Variants in VRK2 observed in about 807,000 individuals in gnomAD.
VRK2 encodes serine/threonine-protein kinase VRK2.
VRK2 carries 60 observed loss-of-function variants against 57.6 expected under a neutral mutation model. That is an observed-to-expected ratio of 1.04 (90% CI 0.85 to 1.29). The LOEUF (loss-of-function observed/expected upper bound fraction) is 1.29, where lower values mean the gene tolerates loss of function less well. VRK2 is among the 50% of genes most tolerant of loss of function. The probability of loss-of-function intolerance (pLI) is 0.00; values close to 1 mark genes in which losing one functional copy is unlikely to be tolerated. For synonymous variants in VRK2, 231 were observed against 199.2 expected, an observed-to-expected ratio of 1.16 and a Z score of -1.35; for missense variants, 705 against 588.1, an observed-to-expected ratio of 1.20 and a Z score of -2.06.
At chr2:58,053,193 G>GGC (rs1440949944) in intron 2 of VRK2, among the ~76,000 whole-genome samples, 2 of 152,156 alleles carry the variant, frequency 1.3e-5, no homozygotes, top group African/African-American at 2.4e-5. Flanking sequence ...GTTGAGACAA[G>GGC]GCACCTATCA....
intron 1 of VRK2, among the ~76,000 whole-genome samples, chr2:57,936,518 G>GTTTTTTTTTTT (rs200492675): frequency 1.5e-5 from 2 of 134,978 alleles, no homozygotes; most frequent in African/African-American, 5.8e-5. Flanking sequence ...GTTTTGTTTT[G>GTTTTTTTTTTT]TTTTGTTTTT....
chr2:58,112,108 A>G (rs1675659517), intron 7 of VRK2, among the ~76,000 whole-genome samples: 1 of 152,176 alleles, frequency 6.6e-6, no homozygotes, highest in Admixed American at 6.5e-5. Context: ...CCTTAATTCT[A>G]TATTGTATTT....
chr2:57,955,837 T>C (rs1671570396), intron 1 of VRK2, among the ~76,000 whole-genome samples: 1 of 152,144 alleles, frequency 6.6e-6, no homozygotes, highest in Non-Finnish European at 1.5e-5. Context: ...GATCATAATT[T>C]AGCAAAAAGT....
intron 11 of VRK2, among the ~76,000 whole-genome samples, chr2:58,140,045 C>T (rs1438309337): frequency 6.6e-6 from 1 of 151,984 alleles, no homozygotes; most frequent in African/African-American, 2.4e-5. Flanking sequence ...CTACTATGTA[C>T]TATGAAAGAA....
intron 2 of VRK2, among the ~76,000 whole-genome samples, chr2:58,075,877 A>G (rs962558420): frequency 5.4e-5 from 7 of 129,752 alleles, no homozygotes; most frequent in South Asian, 2.7e-4. Context: ...CTCTGCCCCA[A>G]TAAGATGTGA....
At chr2:58,122,997 G>C in intron 7 of VRK2, 104 bp from the exon 8 acceptor site, 1 of 1,402,204 alleles carries the variant, frequency 7.1e-7, no homozygotes, top group Non-Finnish European at 9.4e-7. Flanking sequence ...ATAAAATGTA[G>C]ATCTGAGGCT....
chr2:58,043,109 T>C (rs998857155), upstream of VRK2, among the ~76,000 whole-genome samples: 1 of 152,204 alleles, frequency 6.6e-6, no homozygotes, highest in Admixed American at 6.5e-5. Flanking sequence ...TTGGCACTTA[T>C]GAAACTTGAA....
intron 1 of VRK2, chr2:58,047,152 C>G (rs996844271): frequency 6.3e-6 from 2 of 316,570 alleles, no homozygotes; most frequent in East Asian, 1.7e-4. Flanking sequence ...CTCTTTTTGC[C>G]GGTGCAGAGA....
intron 1 of VRK2, among the ~76,000 whole-genome samples, chr2:57,963,039 T>A (rs1021422428): frequency 1.3e-5 from 2 of 152,188 alleles, no homozygotes; most frequent in African/African-American, 4.8e-5. Flanking sequence ...TGCTAAACCT[T>A]ACTTCCTCTT....
intron 12 of VRK2, among the ~76,000 whole-genome samples, chr2:58,157,612 T>C (rs1356482937): frequency 6.6e-6 from 1 of 152,182 alleles, no homozygotes; most frequent in Non-Finnish European, 1.5e-5. Context: ...ATTGGCATCA[T>C]CTGGAGCTTC....
intron 7 of VRK2, among the ~76,000 whole-genome samples, chr2:58,114,898 T>C (rs1019053549): frequency 2.0e-5 from 3 of 152,172 alleles, no homozygotes; most frequent in African/African-American, 4.8e-5. Flanking sequence ...AGAGCTATTT[T>C]AGTTTCCTGA....
At position 58,117,710 on chromosome 2, in the gene VRK2, C is replaced by T. The variant is rs114166545; in HGVS notation, c.544-5391C>T. 5.1e-3 allele frequency among the ~76,000 whole-genome samples: 782 copies of T among 152,146 alleles called. 8 individuals carry two copies. Among genetic ancestry groups the T allele is most frequent in the African/African-American group, 0.015 (604 of 41,524 alleles). Reference sequence around the variant, plus strand: ...TGGAAAAATTGAAAGTGCCATTTTCCGGTGTTTGGAACTACTGTCAAGTTT... The same window carrying T: ...TGGAAAAATTGAAAGTGCCATTTTCTGGTGTTTGGAACTACTGTCAAGTTT... On this transcript the variant is annotated intron_variant, in intron 7 of 12. Transcript: ENST00000340157.
At chr2:58,158,762 A>ATTTGT (rs1191193028) in intron 12 of VRK2, among the ~76,000 whole-genome samples, 1 of 152,104 alleles carries the variant, frequency 6.6e-6, no homozygotes, top group Non-Finnish European at 1.5e-5. Flanking sequence ...TAACCAGTTA[A>ATTTGT]TTTGTTTTAT....
At chr2:57,930,286 C>G (rs939709718) in intron 1 of VRK2, among the ~76,000 whole-genome samples, 2 of 152,154 alleles carry the variant, frequency 1.3e-5, no homozygotes, top group Admixed American at 1.3e-4. Flanking sequence ...TGTCTAAATG[C>G]TCCTCTGTGT....
intron 1 of VRK2, among the ~76,000 whole-genome samples, chr2:58,023,230 G>A (rs373559412): frequency 6.6e-6 from 1 of 152,112 alleles, no homozygotes; most frequent in Non-Finnish European, 1.5e-5. Flanking sequence ...GAATCATACC[G>A]TATCTGTCCT....
intron 1 of VRK2, among the ~76,000 whole-genome samples, chr2:57,931,624 T>C (rs1394155133): frequency 1.3e-5 from 2 of 152,184 alleles, no homozygotes; most frequent in Non-Finnish European, 2.9e-5. Context: ...TAGTTCGATA[T>C]AGTCCCACTT....
intron 1 of VRK2, among the ~76,000 whole-genome samples, chr2:57,925,800 T>C (rs540744741): frequency 4.0e-5 from 6 of 151,894 alleles, no homozygotes; most frequent in Admixed American, 2.6e-4. Context: ...GATTTTCTAG[T>C]TTTTTAAGAT....
chr2:58,100,697 A>C (rs1207635183), intron 7 of VRK2, among the ~76,000 whole-genome samples: 1 of 151,836 alleles, frequency 6.6e-6, no homozygotes, highest in Non-Finnish European at 1.5e-5. Context: ...TATAACTATC[A>C]TATGAATACA....
chr2:58,123,034 CT>C, intron 7 of VRK2, 66 bp from the exon 8 acceptor site: 1 of 1,528,168 alleles, frequency 6.5e-7, no homozygotes, highest in Non-Finnish European at 8.7e-7. Context: ...TTTCTTAAGA[CT>C]TAATTATAAA....
Sources: gnomAD v4.1 joint callset for allele counts (sites outside exome capture counted in the v4.1 genomes callset) on GRCh38, gnomAD v4.1.1 for gene constraint, MANE v1.5 for transcripts, NCBI Gene and HGNC (gene_info 2026-07-23, HGNC 2026-07-21) for gene names.